ERG: variants seen among roughly 807,000 people sequenced by gnomAD.
ERG encodes the protein transcriptional regulator ERG.
Under a neutral mutation model 55.3 loss-of-function variants are expected in ERG, and 9 were observed. The ratio of observed to expected loss-of-function variants is 0.16; its 90% CI spans 0.10 to 0.28. ERG has a LOEUF of 0.28. Among genes scored for constraint, ERG ranks in the 10% least tolerant of loss-of-function variants. ERG has a pLI of 1.00. For synonymous variants in ERG, 223 were observed against 237.3 expected (o/e 0.94, Z 0.55); for missense variants, 434 against 631.6 (o/e 0.69, Z 3.35).
chr21:38,518,236 G>C (rs1033921040), intron 2 of ERG, among the ~76,000 whole-genome samples: 3 of 145,368 alleles, frequency 2.1e-5, no homozygotes, highest in African/African-American at 7.7e-5. Context: ...GTGTGTGTGT[G>C]TATCTATCTA....
rs997580384 is a variant in ERG, at chr21:38,382,998, C to T, written c.*405G>A. 21 of 1,072,932 alleles carry T rather than the reference C, an allele frequency of 2.0e-5. No individual in the cohort carries two copies. The South Asian group carries it at 5.4e-4, about 28-fold the overall frequency. 66.5% of individuals were successfully genotyped at this position (1,072,932 alleles called of 1,614,324 possible). A position where few individuals can be genotyped will look rare whatever the true frequency, so the allele number is the denominator to read the frequency against. On this transcript the variant is annotated 3_prime_UTR_variant, in exon 10 of 10. Coordinates refer to ENST00000288319, the MANE Select transcript of ERG (RefSeq NM_182918.4). ...GTTTTCCTTAAAATGGCATTATAAA[C>T]GGTATGTTAGGTCAAAACTGTGTTG...
intron 2 of ERG, among the ~76,000 whole-genome samples, chr21:38,509,999 C>T (rs960456747): frequency 1.3e-5 from 2 of 152,124 alleles, no homozygotes; most frequent in African/African-American, 2.4e-5. Context: ...AATGGTGGGC[C>T]TGGCTGATCA....
chr21:38,428,253 T>C (rs1366555949), intron 2 of ERG, among the ~76,000 whole-genome samples: 1 of 152,064 alleles, frequency 6.6e-6, no homozygotes, highest in African/African-American at 2.4e-5. Context: ...AAGTGTTCAT[T>C]TGAAAGTCTC....
chr21:38,487,270 G>A (rs763823428), intron 1 of ERG, among the ~76,000 whole-genome samples: 2 of 151,786 alleles, frequency 1.3e-5, no homozygotes, highest in Non-Finnish European at 2.9e-5. Flanking sequence ...AAAAAGAATC[G>A]AGTATTCAAA....
In ERG at chr21:38,383,591, T is replaced by C. The variant is rs1203601203; in HGVS notation, c.1252A>G (p.Met418Val). The change falls in exon 10 of 10, where the codon ATG (methionine) becomes GTG (valine). Residue 418 changes from methionine (M) to valine (V), a missense_variant. Around this residue, in one of 5 missense-constraint regions of ERG, gnomAD observed 107 missense variants for 126.8 expected, o/e 0.84. Transcript: ENST00000288319. This position sits in a 1 kb window ranked among gnomAD's most constrained non-coding sequence, Gnocchi z 5.7. Reference protein sequence around the residue: ...LYKYPSDLPYMGSYHAHPQKM... With the variant: ...LYKYPSDLPYVGSYHAHPQKM... ...TGTGGGTGGGCGTGATAGGAGCCCA[T>C]GTACGGGAGGTCTGAGGGGTACTTG... The C allele has an allele frequency of 4.3e-6, 7 of 1,610,886 alleles. No individual in the cohort carries two copies. Among genetic ancestry groups the C allele is most frequent in the African/African-American group, 1.3e-5 (1 of 74,670 alleles).
intron 7 of ERG, 60 bp from the exon 8 acceptor site, chr21:38,391,775 ATGT>A: frequency 7.8e-7 from 1 of 1,285,180 alleles, no homozygotes. Context: ...CTAGTCTTTG[ATGT>A]TGTTGCATAA....
At chr21:38,648,609 C>T (rs983997116) in intron 1 of ERG, among the ~76,000 whole-genome samples, 14 of 152,230 alleles carry the variant, frequency 9.2e-5, no homozygotes, top group African/African-American at 2.9e-4. Flanking sequence ...GCATCTCCCA[C>T]GGCCTCTGCC....
intron 6 of ERG, among the ~76,000 whole-genome samples, chr21:38,399,489 GA>G (rs1288032350): frequency 1.3e-5 from 2 of 152,188 alleles, no homozygotes; most frequent in African/African-American, 4.8e-5. Context: ...AAGCATGTAT[GA>G]ATATGGAGAA....
chr21:38,637,859 G>T (rs965620531), intron 1 of ERG, among the ~76,000 whole-genome samples: 31 of 152,066 alleles, frequency 2.0e-4, no homozygotes, highest in African/African-American at 7.2e-4. Context: ...GTATGCAAGT[G>T]TGTGTTCCAA....
chr21:38,590,078 G>A (rs575423735), intron 1 of ERG, among the ~76,000 whole-genome samples: 142 of 152,232 alleles, frequency 9.3e-4, no homozygotes, highest in Non-Finnish European at 5.3e-4. Flanking sequence ...TTACAACACC[G>A]TATCTAAGAA....
Position 38,380,530 on chromosome 21 carries a change from A to C in ERG, c.*2873T>G. The stretch of plus-strand genomic sequence containing the variant: ...AGGAGTAAGATTGTACAGGAGTCTG[A>C]GTATACATCAGGGCAAGCCAAGAGA... On this transcript the variant is annotated 3_prime_UTR_variant, in exon 10 of 10. Transcript: ENST00000288319. 9.4e-7 allele frequency: 1 copy of C among 1,065,824 alleles called. No homozygotes were observed. Among genetic ancestry groups the C allele is most frequent in the Non-Finnish European group, 1.1e-6 (1 of 879,584 alleles). The allele number at this position is 1,065,824 out of a possible 1,614,324, so 66.0% of individuals were successfully genotyped here. A position where few individuals can be genotyped will look rare whatever the true frequency, so the allele number is the denominator to read the frequency against.
intron 1 of ERG, among the ~76,000 whole-genome samples, chr21:38,606,865 A>C (rs1042921001): frequency 4.6e-5 from 7 of 152,214 alleles, no homozygotes; most frequent in Non-Finnish European, 8.8e-5. Context: ...TGAGGGATAA[A>C]AATTATTCAG....
chr21:38,385,729 G>C (rs954003452), intron 9 of ERG, among the ~76,000 whole-genome samples: 7 of 152,148 alleles, frequency 4.6e-5, no homozygotes, highest in Non-Finnish European at 1.0e-4. Flanking sequence ...ATCAAGTTTT[G>C]TTGCCTCCAA....
rs148197703 is a variant in ERG, at chr21:38,610,526, CGTGTGT to C, written c.-149-25587_-149-25582del. ...CTAGTAGTCCACGTGCGCGCACGCG[CGTGTGT>C]GTGTGTGTGTGTGTGTGTTTAGCAA... On this transcript the variant is annotated intron_variant, in intron 1 of 10. Transcript: ENST00000398910. Among the ~76,000 whole-genome samples the C allele has an allele frequency of 5.0e-4, 75 of 150,494 alleles. 1 individual carries two copies. The highest frequency in any genetic ancestry group is 2.6e-3 in the East Asian group (13 of 5,030).
chr21:38,576,959 G>A (rs1412474181), intron 1 of ERG, among the ~76,000 whole-genome samples: 1 of 152,318 alleles, frequency 6.6e-6, no homozygotes, highest in African/African-American at 2.4e-5. Context: ...TCTCAGCCAA[G>A]CCATCAGTTC....
chr21:38,428,791 CT>C (rs1339334873), intron 2 of ERG, among the ~76,000 whole-genome samples: 1 of 152,156 alleles, frequency 6.6e-6, no homozygotes, highest in Non-Finnish European at 1.5e-5. Flanking sequence ...ATGTATCTGT[CT>C]TTTTGTTTGG....
At chr21:38,519,362 A>T (rs893960099) in intron 2 of ERG, among the ~76,000 whole-genome samples, 16 of 152,214 alleles carry the variant, frequency 1.1e-4, no homozygotes, top group Non-Finnish European at 1.9e-4. Context: ...CCTCAGGCCT[A>T]CAAGGGCAAG....
intron 2 of ERG, among the ~76,000 whole-genome samples, chr21:38,519,366 G>C (rs1018425534): frequency 9.2e-5 from 14 of 152,184 alleles, no homozygotes; most frequent in African/African-American, 2.9e-4. Context: ...AGGCCTACAA[G>C]GGCAAGGGAG....
intron 3 of ERG, among the ~76,000 whole-genome samples, chr21:38,419,512 C>T (rs570083561): frequency 1.2e-4 from 5 of 42,564 alleles, no homozygotes; most frequent in African/African-American, 2.7e-4. Context: ...ATTAAAAATA[C>T]ACATACACAC....
Sources: gnomAD v4.1 joint callset for allele counts (sites outside exome capture counted in the v4.1 genomes callset) on GRCh38, gnomAD v4.1.1 for gene constraint, gnomAD v4.1.1 regional missense constraint, Gnocchi (gnomAD v3.1) non-coding constraint, MANE v1.5 for transcripts, NCBI Gene and HGNC (gene_info 2026-07-23, HGNC 2026-07-21) for gene names.